Variants in SPIRE2 observed in about 807,000 individuals in gnomAD.
SPIRE2 encodes protein spire homolog 2.
SPIRE2 carries 76 observed loss-of-function variants against 80.7 expected under a neutral mutation model. The observed-to-expected ratio is 0.94, with a 90% CI of 0.78 to 1.14. The LOEUF (loss-of-function observed/expected upper bound fraction) is 1.14. SPIRE2 is among the 50% of genes most tolerant of loss of function. SPIRE2 has a pLI of 0.00. For missense variants in SPIRE2, 1,196 were observed against 1,015.3 expected (o/e 1.18, Z -2.42); for synonymous variants, 535 against 432.6 (o/e 1.24, Z -2.94).
At chr16:89,842,460 A>T (rs977914017) in intron 1 of SPIRE2, among the ~76,000 whole-genome samples, 3 of 151,858 alleles carry the variant, frequency 2.0e-5, no homozygotes, top group Admixed American at 6.6e-5. Flanking sequence ...TGATCCACCC[A>T]CTTCGGCCTC....
intron 2 of SPIRE2, chr16:89,845,830 G>T (rs932867876): frequency 1.8e-6 from 1 of 543,264 alleles, no homozygotes; most frequent in Non-Finnish European, 3.2e-6. Flanking sequence ...TGTCTGGAAC[G>T]TCATGTTTCC....
intron 1 of SPIRE2, among the ~76,000 whole-genome samples, chr16:89,835,524 C>T (rs1305751285): frequency 1.3e-5 from 2 of 152,210 alleles, no homozygotes; most frequent in African/African-American, 4.8e-5. Flanking sequence ...TGAGAGCCGG[C>T]TCCCACAGCC....
intron 3 of SPIRE2, 81 bp downstream of exon 3, chr16:89,850,741 C>A: frequency 9.4e-7 from 1 of 1,065,794 alleles, no homozygotes; most frequent in Non-Finnish European, 1.3e-6. Flanking sequence ...CTGGCAAGGA[C>A]GTCTCTTCGT....
At chr16:89,844,768 C>G (rs2041541520) in intron 1 of SPIRE2, among the ~76,000 whole-genome samples, 1 of 152,144 alleles carries the variant, frequency 6.6e-6, no homozygotes, top group Non-Finnish European at 1.5e-5. Flanking sequence ...TTTTTTGTAG[C>G]CACAGGGGCT....
Position 89,870,544 on chromosome 16 carries a change from G to A in SPIRE2, c.*272G>A. On this transcript the variant is annotated 3_prime_UTR_variant, in exon 15 of 15. Transcript: ENST00000378247. The stretch of plus-strand genomic sequence containing the variant: ...AGGGTGGGTTTTCTCACTGAAGAGA[G>A]AAAGCAGAAGGTTCTAGATCCTGGC... The A allele has an allele frequency of 2.6e-6, 1 of 384,834 alleles. No individual in the cohort carries two copies. Among genetic ancestry groups the A allele is most frequent in the East Asian group, 4.9e-5 (1 of 20,460 alleles). 23.8% of individuals were successfully genotyped at this position (384,834 alleles called of 1,614,324 possible).
intron 1 of SPIRE2, among the ~76,000 whole-genome samples, chr16:89,839,819 C>G (rs996621144): frequency 1.3e-5 from 2 of 152,244 alleles, no homozygotes; most frequent in African/African-American, 4.8e-5. Flanking sequence ...GTCCTGACCC[C>G]AAGGCTAAGA....
At chr16:89,851,443 A>G (rs572048427) in intron 3 of SPIRE2, among the ~76,000 whole-genome samples, 2 of 152,262 alleles carry the variant, frequency 1.3e-5, no homozygotes, top group Admixed American at 6.5e-5. Flanking sequence ...ACCCAGCCTC[A>G]TTCTCCTGCC....
At chr16:89,846,626 G>A (rs1168965444) in intron 2 of SPIRE2, 1 of 151,130 alleles carries the variant, frequency 6.6e-6, no homozygotes, top group Non-Finnish European at 1.5e-5. Flanking sequence ...CCATTCTCCT[G>A]GCCAGCCTCT....
chr16:89,863,674 G>C lies in SPIRE2; in HGVS notation c.1710+64G>C. ...TGGGTCAGGGGCGGGTGCCGAGAGG[G>C]CCAGTTCCCAGGACTGTTTGCTCAT... On this transcript the variant is annotated intron_variant, in intron 11 of 14. Coordinates refer to ENST00000378247, the MANE Select transcript of SPIRE2 (RefSeq NM_032451.2). The surrounding 1 kb of genome is among the most constrained non-coding windows in gnomAD (Gnocchi z 4.3). 1 of 1,613,198 alleles carries C rather than the reference G, an allele frequency of 6.2e-7. No homozygotes were observed. The highest frequency in any genetic ancestry group is 8.5e-7 in the Non-Finnish European group (1 of 1,179,396).
intron 1 of SPIRE2, among the ~76,000 whole-genome samples, chr16:89,841,919 G>T (rs936304105): frequency 3.3e-5 from 5 of 151,936 alleles, no homozygotes; most frequent in Admixed American, 2.0e-4. Context: ...GGAGAGGTGG[G>T]GTTTCTCCCT....
At chr16:89,861,391 C>T (rs1033646347) in intron 10 of SPIRE2, among the ~76,000 whole-genome samples, 1 of 152,202 alleles carries the variant, frequency 6.6e-6, no homozygotes, top group African/African-American at 2.4e-5. Context: ...TCCAGCGGCT[C>T]AGATGAGAAC....
chr16:89,858,543 G>A (rs775898473), intron 8 of SPIRE2, 36 bp downstream of exon 8: 19 of 1,506,170 alleles, frequency 1.3e-5, no homozygotes, highest in Non-Finnish European at 1.4e-5. Context: ...AAGAGACCAG[G>A]AATGGGAGGA....
chr16:89,848,892 G>A (rs1372918860), intron 2 of SPIRE2, among the ~76,000 whole-genome samples: 1 of 138,486 alleles, frequency 7.2e-6, no homozygotes, highest in Non-Finnish European at 1.7e-5. Flanking sequence ...GTTTCTGCAG[G>A]ACAGATGAGG....
In SPIRE2 at chr16:89,863,314, T is replaced by C. The variant is rs1296479291; in HGVS notation, c.1576-162T>C. On this transcript the variant is annotated intron_variant, in intron 10 of 14. Transcript: ENST00000378247. The surrounding 1 kb of genome is among the most constrained non-coding windows in gnomAD (Gnocchi z 4.3). ...GCAGCAGCAGGGCCCATCAAAGACA[T>C]GGGGATGGATGGCTGATGGACAAGA... 2.6e-6 allele frequency: 2 copies of C among 762,296 alleles called. No homozygotes were observed. The highest frequency in any genetic ancestry group is 2.7e-5 in the East Asian group (1 of 36,666). The allele number at this position is 762,296 out of a possible 1,614,324, so 47.2% of individuals were successfully genotyped here.
Position 89,845,316 on chromosome 16 carries a change from T to C in SPIRE2, c.245-6T>C, listed in dbSNP as rs747063185. On this transcript the variant is annotated splice_polypyrimidine_tract_variant and splice_region_variant and intron_variant, in intron 1 of 14. Coordinates refer to ENST00000378247, the MANE Select transcript of SPIRE2 (RefSeq NM_032451.2). ...ACAAATAACTTAACTCCCTCTTCTC[T>C]TACAGAACCTGCAACCATGGTCGTG... 13 of 1,614,064 alleles carry C rather than the reference T, an allele frequency of 8.1e-6. No individual in the cohort carries two copies. The highest frequency in any genetic ancestry group is 1.1e-5 in the Non-Finnish European group (13 of 1,179,926).
At chr16:89,829,452 T>G (rs1343290300) in intron 1 of SPIRE2, among the ~76,000 whole-genome samples, 1 of 152,254 alleles carries the variant, frequency 6.6e-6, no homozygotes, top group Non-Finnish European at 1.5e-5. Flanking sequence ...ATTTCTTCCC[T>G]GGAGAGCTGG....
At position 89,854,683 on chromosome 16, in the gene SPIRE2, G is replaced by C; in HGVS notation, c.891+32G>C. The C allele has an allele frequency of 3.8e-6, 6 of 1,599,580 alleles. No homozygotes were observed. In the South Asian group the frequency reaches 6.7e-5, roughly 18 times the overall value. ...GGGGCAGACGCAGAGGGGCAGCCTG[G>C]ATGCAGAGGTCGTGGTGAGCGGGGC... On this transcript the variant is annotated intron_variant, in intron 5 of 14. Transcript: ENST00000378247.
intron 7 of SPIRE2, among the ~76,000 whole-genome samples, chr16:89,857,085 T>C (rs2041697914): frequency 1.3e-5 from 2 of 150,360 alleles, no homozygotes; most frequent in Non-Finnish European, 3.0e-5. Context: ...AAAAAATCAC[T>C]TTTTATGCCT....
chr16:89,865,995 CTGGATATGG>C (rs905178541), intron 12 of SPIRE2, among the ~76,000 whole-genome samples: 15 of 131,614 alleles, frequency 1.1e-4, no homozygotes, highest in African/African-American at 2.3e-4. Flanking sequence ...AAAGGTAAGG[CTGGATATGG>C]TGGATATGGT....
Sources: allele counts gnomAD v4.1 joint callset (sites outside exome capture counted in the v4.1 genomes callset), GRCh38; gene constraint gnomAD v4.1.1; non-coding constraint Gnocchi (gnomAD v3.1); transcripts MANE v1.5; gene names NCBI Gene and HGNC (gene_info 2026-07-23, HGNC 2026-07-21).